MID1: variants seen among roughly 807,000 people sequenced by gnomAD.
MID1 encodes midline 1, also known as E3 ubiquitin-protein ligase Midline-1.
In MID1, 7 loss-of-function variants were observed where a neutral mutation model predicts 40.4. The ratio of observed to expected loss-of-function variants is 0.17; its 90% CI spans 0.10 to 0.33. MID1 has a LOEUF of 0.33. MID1 is among the 10% of genes least tolerant of loss of function. MID1 has a pLI of 1.00. For synonymous variants in MID1, 229 were observed against 221.2 expected (o/e 1.04, Z -0.31); for missense variants, 367 against 558.5 (o/e 0.66, Z 3.46).
chrX:10,731,577 G>A (rs911032481), intron 1 of MID1, among the ~76,000 whole-genome samples: 12 of 111,604 alleles, frequency 1.1e-4, no homozygotes, highest in Admixed American at 1.9e-4. Flanking sequence ...ACTTCTTAGA[G>A]GGAAATTTAT....
intron 2 of MID1, among the ~76,000 whole-genome samples, chrX:10,535,430 T>C (rs1933210136): frequency 8.9e-6 from 1 of 112,600 alleles, no homozygotes; most frequent in African/African-American, 3.2e-5. Flanking sequence ...TAAAATTATA[T>C]ATAGATGTAT....
chrX:10,680,413 A>G, intron 1 of MID1, among the ~76,000 whole-genome samples: 1 of 112,040 alleles, frequency 8.9e-6, no homozygotes, highest in Non-Finnish European at 1.9e-5. Flanking sequence ...CACCCTCAAA[A>G]TTCGTGTTTG....
chrX:10,498,111 T>G (rs1291203818), intron 3 of MID1, among the ~76,000 whole-genome samples: 2 of 111,243 alleles, frequency 1.8e-5, no homozygotes, highest in Non-Finnish European at 3.8e-5. Flanking sequence ...GAGTTGATTT[T>G]TTTTGAGACA....
intron 1 of MID1, among the ~76,000 whole-genome samples, chrX:10,695,432 T>C (rs1350514271): frequency 8.9e-6 from 1 of 112,020 alleles, no homozygotes; most frequent in East Asian, 2.8e-4. Flanking sequence ...CAGCCTAAGA[T>C]TGGCCTTTTG....
chrX:10,825,091 T>C (rs1467363562), intron 1 of MID1, among the ~76,000 whole-genome samples: 1 of 112,200 alleles, frequency 8.9e-6, no homozygotes, highest in African/African-American at 3.2e-5. Context: ...TGTGGTTTTA[T>C]TAATACATAC....
intron 2 of MID1, among the ~76,000 whole-genome samples, chrX:10,559,126 T>C (rs1934236567): frequency 8.9e-6 from 1 of 112,120 alleles, no homozygotes; most frequent in South Asian, 3.7e-4. Context: ...TAAAATATAG[T>C]TTTAATACAT....
chrX:10,591,137 G>C (rs1935290170), intron 1 of MID1, among the ~76,000 whole-genome samples: 1 of 111,988 alleles, frequency 8.9e-6, no homozygotes, highest in African/African-American at 3.2e-5. Context: ...AGAACAGTGA[G>C]CTTTCAAGGT....
rs1491184399 is a variant in MID1 at position 10,521,872 on chromosome X, C to CCTTG, written c.756+1219_756+1220insCAAG. Among the ~76,000 whole-genome samples, 10 of 112,368 alleles carry CCTTG rather than the reference C, an allele frequency of 8.9e-5. No homozygotes were observed. In the East Asian group the frequency reaches 2.8e-3, roughly 32 times the overall value. ...TTTTCTTTTTTGAGACAAGGTCTCA[C>CCTTG]TCTGTCGCCTAGGCTGGAGTGCAGT... On this transcript the variant is annotated intron_variant, in intron 3 of 9. Coordinates refer to ENST00000317552, the MANE Select transcript of MID1 (RefSeq NM_000381.4).
At chrX:10,462,301 A>G (rs1929091980) in intron 7 of MID1, among the ~76,000 whole-genome samples, 1 of 111,914 alleles carries the variant, frequency 8.9e-6, no homozygotes, top group Non-Finnish European at 1.9e-5. Flanking sequence ...CAACATTGAC[A>G]ATTTTCTTCT....
intron 1 of MID1, 143 bp downstream of exon 1, chrX:10,620,147 G>C (rs1935909950): frequency 8.9e-6 from 1 of 112,438 alleles, no homozygotes; most frequent in Admixed American, 9.4e-5. Flanking sequence ...GTTGTCTTAG[G>C]AAAATGCAGC....
chrX:10,778,631 C>G (rs1043452368), intron 1 of MID1, among the ~76,000 whole-genome samples: 1 of 111,914 alleles, frequency 8.9e-6, no homozygotes, highest in South Asian at 3.7e-4. Context: ...GCAGGAAGGT[C>G]GGGGTAGAGA....
chrX:10,659,227 C>T (rs2042895959), intron 1 of MID1, among the ~76,000 whole-genome samples: 1 of 111,866 alleles, frequency 8.9e-6, no homozygotes, highest in African/African-American at 3.3e-5. Flanking sequence ...TCTGTGGCTC[C>T]CTGAGAAGCA....
intron 1 of MID1, among the ~76,000 whole-genome samples, chrX:10,674,123 A>G (rs2043006471): frequency 8.9e-6 from 1 of 112,266 alleles, no homozygotes; most frequent in African/African-American, 3.2e-5. Context: ...TATTTTCCCA[A>G]TTTGTGCAAT....
chrX:10,777,970 T>C (rs1350018839), intron 1 of MID1, among the ~76,000 whole-genome samples: 2 of 111,598 alleles, frequency 1.8e-5, no homozygotes. Flanking sequence ...TGCTGTCATC[T>C]CCTATGATAA....
intron 1 of MID1, among the ~76,000 whole-genome samples, chrX:10,720,714 T>C (rs2043345265): frequency 9.0e-6 from 1 of 111,537 alleles, no homozygotes; most frequent in Non-Finnish European, 1.9e-5. Flanking sequence ...ACCTAAAGGA[T>C]TATAAATCAT....
At chrX:10,743,396 A>G (rs746851846) in intron 1 of MID1, among the ~76,000 whole-genome samples, 1 of 112,619 alleles carries the variant, frequency 8.9e-6, no homozygotes, top group Non-Finnish European at 1.9e-5. Context: ...AAAAGCAAAC[A>G]AACCAAACCA....
intron 1 of MID1, among the ~76,000 whole-genome samples, chrX:10,732,903 G>A (rs1203362920): frequency 2.3e-5 from 2 of 87,336 alleles, no homozygotes; most frequent in Non-Finnish European, 4.3e-5. Flanking sequence ...CTCGCTTATC[G>A]CCCAGGCTGG....
rs748385663 is a variant in MID1, at chrX:10,533,391, AAAAGAAAGAAAGAAAGAAAG to A, written c.661-10224_661-10205del. ...AAGAAAGAAAGAAAAAGAAAGAAAG[AAAAGAAAGAAAGAAAGAAAG>A]AAAGAAAGAAAGAAAGAAAGAAAGA... On this transcript the variant is annotated intron_variant, in intron 2 of 9. Transcript: ENST00000317552. Among the ~76,000 whole-genome samples the A allele has an allele frequency of 5.4e-5, 3 of 55,064 alleles. No homozygotes were observed. The East Asian group carries it at 2.3e-3, about 42-fold the overall frequency. The allele number at this position is 55,064 out of a possible 115,157, so 47.8% of individuals were successfully genotyped here.
intron 2 of MID1, among the ~76,000 whole-genome samples, chrX:10,538,851 C>T (rs1176684971): frequency 1.8e-5 from 2 of 112,248 alleles, no homozygotes; most frequent in Non-Finnish European, 3.8e-5. Context: ...AATATTAATG[C>T]AACCAAAGAT....
Sources: gnomAD v4.1 joint callset for allele counts (sites outside exome capture counted in the v4.1 genomes callset) on GRCh38, gnomAD v4.1.1 for gene constraint, MANE v1.5 for transcripts, NCBI Gene and HGNC (gene_info 2026-07-23, HGNC 2026-07-21) for gene names.